The following FAM53A variants were observed in gnomAD, a reference collection of about 807,000 sequenced individuals.
FAM53A encodes family with sequence similarity 53 member A.
Under a neutral mutation model 26.6 loss-of-function variants are expected in FAM53A, and 28 were observed. The observed-to-expected ratio is 1.05, with a 90% CI of 0.78 to 1.45. FAM53A has a LOEUF of 1.45. Ranked by LOEUF, FAM53A falls within the 40% of genes most tolerant of loss-of-function variation. FAM53A has a pLI of 0.00. For synonymous variants in FAM53A, 290 were observed against 253.1 expected (o/e 1.15, Z -1.38); for missense variants, 650 against 575.8 (o/e 1.13, Z -1.32).
intron 2 of FAM53A, 54 bp from the exon 3 acceptor site, chr4:1,657,522 T>C: frequency 6.7e-7 from 1 of 1,490,552 alleles, no homozygotes; most frequent in Non-Finnish European, 9.3e-7. Flanking sequence ...AATTCGGCAA[T>C]AATATCCCCC....
intron 1 of FAM53A, among the ~76,000 whole-genome samples, chr4:1,632,477 A>T (rs530312572): frequency 6.6e-6 from 1 of 152,326 alleles, no homozygotes; most frequent in South Asian, 2.1e-4. Flanking sequence ...GTATTCTGAC[A>T]TGGACCCCCA....
At chr4:1,639,438 C>T (rs561056847), downstream of FAM53A, among the ~76,000 whole-genome samples, 1 of 152,172 alleles carries the variant, frequency 6.6e-6, no homozygotes, top group African/African-American at 2.4e-5. Context: ...TCCCTTCACA[C>T]GAGGCCAGGG....
chr4:1,596,252 G>A, the FAM53A span, among the ~76,000 whole-genome samples: 3 of 152,256 alleles, frequency 2.0e-5, no homozygotes, highest in African/African-American at 4.8e-5. Flanking sequence ...GCTGAGGGAC[G>A]CTGGGCTGGC....
At chr4:1,590,011 C>A in the FAM53A span, among the ~76,000 whole-genome samples, 3 of 151,928 alleles carry the variant, frequency 2.0e-5, no homozygotes, top group African/African-American at 7.3e-5. Flanking sequence ...TGTTTGTATT[C>A]TGATAAGTTT....
the FAM53A span, among the ~76,000 whole-genome samples, chr4:1,604,945 T>C: frequency 6.6e-6 from 1 of 151,178 alleles, no homozygotes; most frequent in Middle Eastern, 3.2e-3. Context: ...TCCTGCCCCC[T>C]CTCAACACGC....
chr4:1,623,675 CCCCG>C (rs1218650668), intron 1 of FAM53A, among the ~76,000 whole-genome samples: 2 of 152,382 alleles, frequency 1.3e-5, no homozygotes, highest in Non-Finnish European at 2.9e-5. Context: ...ATTCAAATTA[CCCCG>C]GGAGCCGCGC....
chr4:1,656,765 C>T (rs541315373), intron 3 of FAM53A, among the ~76,000 whole-genome samples: 3 of 152,270 alleles, frequency 2.0e-5, no homozygotes, highest in East Asian at 3.9e-4. Context: ...GGTCATCTGG[C>T]GCTCAGCAAG....
At position 1,651,360 on chromosome 4, in the gene FAM53A, T is replaced by C. The variant is rs1047875573; in HGVS notation, c.882+3618A>G. On this transcript the variant is annotated intron_variant, in intron 4 of 4. Transcript: ENST00000308132. ...CAGCCTGGACAACATGGTAAAATCC[T>C]ATCTCTATTAAAAATACAAATATTA... is the stretch of plus-strand genomic sequence containing the variant. 3.3e-5 allele frequency among the ~76,000 whole-genome samples: 5 copies of C among 151,652 alleles called. No homozygotes were observed. The East Asian group carries it at 9.7e-4, about 29-fold the overall frequency.
At chr4:1,635,463 G>A (rs1479258370), downstream of FAM53A, among the ~76,000 whole-genome samples, 1 of 152,064 alleles carries the variant, frequency 6.6e-6, no homozygotes, top group Non-Finnish European at 1.5e-5. Context: ...TAGTAGAGAC[G>A]AGGTCTTGCT....
At chr4:1,679,998 G>GGGC in intron 1 of FAM53A, among the ~76,000 whole-genome samples, 11 of 140,284 alleles carry the variant, frequency 7.8e-5, no homozygotes, top group Middle Eastern at 4.6e-3. Flanking sequence ...GCTCCAGCCT[G>GGGC]AGCGACAGGG....
exon 2 of FAM53A, chr4:1,617,928 C>T (rs574090105): frequency 4.8e-6 from 2 of 413,052 alleles, no homozygotes; most frequent in South Asian, 1.7e-5. Flanking sequence ...TGAGCAGCAG[C>T]AACTCCTTCA....
At chr4:1,606,031 C>T in the FAM53A span, among the ~76,000 whole-genome samples, 8 of 148,062 alleles carry the variant, frequency 5.4e-5, no homozygotes, top group South Asian at 4.2e-4. Context: ...CTGCGGGTTT[C>T]CTATGACTCT....
At chr4:1,602,563 C>T in the FAM53A span, among the ~76,000 whole-genome samples, 2 of 152,000 alleles carry the variant, frequency 1.3e-5, no homozygotes, top group African/African-American at 4.8e-5. Flanking sequence ...TGCTGCTGCC[C>T]GAAAATAAAC....
intron 1 of FAM53A, among the ~76,000 whole-genome samples, chr4:1,625,072 G>A (rs1213894676): frequency 8.0e-6 from 1 of 124,810 alleles, no homozygotes; most frequent in African/African-American, 3.6e-5. Flanking sequence ...CCCGGCCCAC[G>A]TGGTCAGGGT....
the FAM53A span, among the ~76,000 whole-genome samples, chr4:1,605,619 C>T: frequency 1.4e-5 from 2 of 140,142 alleles, no homozygotes; most frequent in Non-Finnish European, 3.2e-5. The surrounding 1 kb of genome is among the most constrained non-coding windows in gnomAD (Gnocchi z 5.7). Flanking sequence ...GGTGTGGACG[C>T]GGCTCCTCGG....
downstream of FAM53A, among the ~76,000 whole-genome samples, chr4:1,614,994 C>T (rs2108731007): frequency 6.6e-6 from 1 of 152,218 alleles, no homozygotes; most frequent in African/African-American, 2.4e-5. Context: ...ATGGCACACG[C>T]AAACCACAAA....
chr4:1,586,943 C>T, the FAM53A span, among the ~76,000 whole-genome samples: 1 of 152,184 alleles, frequency 6.6e-6, no homozygotes, highest in Non-Finnish European at 1.5e-5. Flanking sequence ...TAAAAGGTGT[C>T]GGGTGATATC....
chr4:1,684,770 G>T (rs1715707028), upstream of FAM53A, among the ~76,000 whole-genome samples: 1 of 152,170 alleles, frequency 6.6e-6, no homozygotes, highest in Admixed American at 6.5e-5. Flanking sequence ...CTGTGTAGCC[G>T]TTGGCAGGTC....
the FAM53A span, among the ~76,000 whole-genome samples, chr4:1,580,442 A>T: frequency 6.6e-6 from 1 of 152,180 alleles, no homozygotes; most frequent in African/African-American, 2.4e-5. Flanking sequence ...AGGCTGGGGC[A>T]GAACCGGACG....
Sources: gnomAD v4.1 joint callset for allele counts (sites outside exome capture counted in the v4.1 genomes callset) on GRCh38, gnomAD v4.1.1 for gene constraint, Gnocchi (gnomAD v3.1) non-coding constraint, MANE v1.5 for transcripts, NCBI Gene and HGNC (gene_info 2026-07-23, HGNC 2026-07-21) for gene names.